ITPKB: variants seen among roughly 807,000 people sequenced by gnomAD.
ITPKB encodes IP3 3-kinase B.
In ITPKB, 13 loss-of-function variants were observed where a neutral mutation model predicts 69.4. The observed-to-expected ratio is 0.19, with a 90% CI of 0.12 to 0.30. The LOEUF (loss-of-function observed/expected upper bound fraction) is 0.30, where lower values mean the gene tolerates loss of function less well. ITPKB is among the 10% of genes least tolerant of loss of function. ITPKB has a pLI of 1.00. For synonymous variants in ITPKB, 584 were observed against 513.7 expected, an observed-to-expected ratio of 1.14 and a Z score of -1.85; for missense variants, 1,240 against 1,250.5, an observed-to-expected ratio of 0.99 and a Z score of 0.13.
chr1:226,711,311 G>A (rs550119224), intron 2 of ITPKB, among the ~76,000 whole-genome samples: 30 of 152,064 alleles, frequency 2.0e-4, no homozygotes, highest in African/African-American at 7.0e-4. Context: ...ACTCCAGTTC[G>A]ATATCCTCTT....
intron 2 of ITPKB, among the ~76,000 whole-genome samples, chr1:226,665,864 C>T (rs1381446586): frequency 1.3e-5 from 2 of 152,240 alleles, no homozygotes; most frequent in African/African-American, 4.8e-5. Flanking sequence ...AGGAGACACT[C>T]ACGGAAGCAC....
At chr1:226,722,595 G>A (rs1657275345) in intron 2 of ITPKB, among the ~76,000 whole-genome samples, 1 of 152,164 alleles carries the variant, frequency 6.6e-6, no homozygotes, top group Non-Finnish European at 1.5e-5. Context: ...CCAGGTTGGG[G>A]CAATAAGGGA....
intron 2 of ITPKB, among the ~76,000 whole-genome samples, chr1:226,671,839 G>C (rs148780438): frequency 6.6e-6 from 1 of 152,184 alleles, no homozygotes; most frequent in Non-Finnish European, 1.5e-5. Context: ...CAGCAAAGTG[G>C]CTGGAACAGA....
At chr1:226,687,208 G>T (rs1298466431) in intron 2 of ITPKB, among the ~76,000 whole-genome samples, 1 of 152,206 alleles carries the variant, frequency 6.6e-6, no homozygotes, top group African/African-American at 2.4e-5. Context: ...ATAAAATCTG[G>T]TCAAGAAGAG....
chr1:226,701,214 A>C (rs552621200), intron 2 of ITPKB, among the ~76,000 whole-genome samples: 7 of 152,328 alleles, frequency 4.6e-5, no homozygotes, highest in Admixed American at 4.6e-4. Flanking sequence ...CTTTTGGAAG[A>C]AGTATCATTT....
At chr1:226,664,459 C>T (rs941338372) in intron 2 of ITPKB, among the ~76,000 whole-genome samples, 4 of 152,182 alleles carry the variant, frequency 2.6e-5, no homozygotes, top group African/African-American at 4.8e-5. Flanking sequence ...GTACACGTAT[C>T]GTGGTGGGAC....
intron 2 of ITPKB, among the ~76,000 whole-genome samples, chr1:226,650,293 A>G (rs1294158409): frequency 6.6e-6 from 1 of 152,208 alleles, no homozygotes; most frequent in East Asian, 1.9e-4. Flanking sequence ...TTCCTTACTA[A>G]ACCTGGTAAT....
At chr1:226,696,614 C>T (rs1475033892) in intron 2 of ITPKB, among the ~76,000 whole-genome samples, 1 of 152,148 alleles carries the variant, frequency 6.6e-6, no homozygotes, top group Non-Finnish European at 1.5e-5. Flanking sequence ...CTCAGGGTCC[C>T]CTTGGAGACC....
chr1:226,660,740 G>A (rs1279472043), intron 2 of ITPKB, among the ~76,000 whole-genome samples: 1 of 152,238 alleles, frequency 6.6e-6, no homozygotes, highest in African/African-American at 2.4e-5. Flanking sequence ...ACCAACAATA[G>A]GAGGAAACAG....
chr1:226,674,281 C>G (rs1362666839), intron 2 of ITPKB, among the ~76,000 whole-genome samples: 1 of 152,126 alleles, frequency 6.6e-6, no homozygotes, highest in Admixed American at 6.5e-5. Flanking sequence ...CTCACTGCAA[C>G]CTCCAACTCC....
chr1:226,667,169 G>C (rs530874824), intron 2 of ITPKB, among the ~76,000 whole-genome samples: 14 of 152,290 alleles, frequency 9.2e-5, no homozygotes, highest in African/African-American at 3.4e-4. Flanking sequence ...CTGCTGAGAG[G>C]ACATTCACGT....
Position 226,736,930 on chromosome 1 carries a change from G to A in ITPKB, c.529C>T (p.Pro177Ser). The change falls in exon 2 of 8, where the codon CCG (proline) becomes TCG (serine). Residue 177 changes from proline to serine, a missense_variant. By Grantham distance (74) the Pro-to-Ser change is moderately conservative (BLOSUM62 -1). Coordinates refer to ENST00000429204, the MANE Select transcript of ITPKB (RefSeq NM_002221.4). ...PRLGRARSPS[P>S]CPFRSSSQPP... ...TGACTGCTGCTGCGGAAGGGGCACGGGGAGGGCGAGCGAGCCCTGCCCAAA... is the reference window on the plus strand; with the variant it reads ...TGACTGCTGCTGCGGAAGGGGCACGAGGAGGGCGAGCGAGCCCTGCCCAAA... 1 of 1,611,066 alleles carries A rather than the reference G, an allele frequency of 6.2e-7. No individual in the cohort carries two copies.
At chr1:226,644,489 C>A (rs1394558875) in intron 4 of ITPKB, among the ~76,000 whole-genome samples, 1 of 152,202 alleles carries the variant, frequency 6.6e-6, no homozygotes, top group Non-Finnish European at 1.5e-5. Flanking sequence ...CGGGCTCTCA[C>A]CTGCACTCCC....
chr1:226,649,398 G>GAT (rs1669130212), intron 2 of ITPKB, among the ~76,000 whole-genome samples: 1 of 142,728 alleles, frequency 7.0e-6, no homozygotes, highest in Non-Finnish European at 1.5e-5. Flanking sequence ...GTGCATGAGT[G>GAT]TGTGTGCATG....
At position 226,737,072 on chromosome 1, in the gene ITPKB, C is replaced by T; in HGVS notation, c.387G>A (p.Arg129=). 7 of 1,610,838 alleles carry T rather than the reference C, an allele frequency of 4.3e-6. No homozygotes were observed. Among genetic ancestry groups the T allele is most frequent in the Non-Finnish European group, 5.9e-6 (7 of 1,179,930 alleles). Residue 129 remains arginine (R), a synonymous_variant, in exon 2 of 8, where the codon AGG becomes AGA. Coordinates refer to ENST00000429204, the MANE Select transcript of ITPKB (RefSeq NM_002221.4). ...LSPPGPEEAK[R]KLRILQRELQ... The stretch of plus-strand genomic sequence containing the variant: ...ACTCGCGCTGCAAGATCCGCAGCTT[C>T]CTCTTGGCCTCCTCCGGCCCTGGCG...
intron 2 of ITPKB, among the ~76,000 whole-genome samples, chr1:226,676,721 T>C (rs1669741274): frequency 6.6e-6 from 1 of 152,226 alleles, no homozygotes; most frequent in South Asian, 2.1e-4. Flanking sequence ...TTAATGGACT[T>C]ATACCACACC....
chr1:226,687,057 T>G (rs1656231069), intron 2 of ITPKB, among the ~76,000 whole-genome samples: 1 of 152,236 alleles, frequency 6.6e-6, no homozygotes, highest in African/African-American at 2.4e-5. Context: ...CCTGCCTCAC[T>G]GATGTGGCAC....
rs745694833 is a variant in ITPKB, at chr1:226,641,887, G to A, written c.2451+34C>T. 1 of 1,590,374 alleles carries A rather than the reference G, an allele frequency of 6.3e-7. No homozygotes were observed. Among genetic ancestry groups the A allele is most frequent in the Non-Finnish European group, 8.6e-7 (1 of 1,163,426 alleles). Reference sequence around the variant, plus strand: ...CAAGCCCCCTGAGGTGGGCACGGGTGGGGCCCGAGGCTGCCCTCACTCGCC... The same window carrying A: ...CAAGCCCCCTGAGGTGGGCACGGGTAGGGCCCGAGGCTGCCCTCACTCGCC... On this transcript the variant is annotated intron_variant, in intron 5 of 7. Transcript: ENST00000429204. The surrounding 1 kb of genome is among the most constrained non-coding windows in gnomAD (Gnocchi z 4.6).
At position 226,663,134 on chromosome 1, in the gene ITPKB, A is replaced by T. The variant is rs1313210109; in HGVS notation, c.1933-14363T>A. Among the ~76,000 whole-genome samples, 3 of 152,114 alleles carry T rather than the reference A, an allele frequency of 2.0e-5. No homozygotes were observed. The East Asian group carries it at 5.8e-4, about 29-fold the overall frequency. ...CTGTCCCCCGGGTCATCTTGACGGT[A>T]TGTGTGACGATATGTGTGATTTTCA... On this transcript the variant is annotated intron_variant, in intron 2 of 7. Coordinates refer to ENST00000429204, the MANE Select transcript of ITPKB (RefSeq NM_002221.4).
Sources: allele counts gnomAD v4.1 joint callset (sites outside exome capture counted in the v4.1 genomes callset), GRCh38; gene constraint gnomAD v4.1.1; non-coding constraint Gnocchi (gnomAD v3.1); transcripts MANE v1.5; gene names NCBI Gene and HGNC (gene_info 2026-07-23, HGNC 2026-07-21).